Variants in MAMDC2 observed in about 807,000 individuals in gnomAD.
MAMDC2 encodes MAM domain containing 2.
In MAMDC2, 57 loss-of-function variants were observed where a neutral mutation model predicts 89.8. That is an observed-to-expected ratio of 0.63 (90% CI 0.51 to 0.79). MAMDC2 has a LOEUF of 0.79. Among genes scored for constraint, MAMDC2 ranks in the 30% least tolerant of loss-of-function variants. MAMDC2 has a pLI of 0.00. For synonymous variants in MAMDC2, 313 were observed against 293.4 expected (o/e 1.07, Z -0.68); for missense variants, 800 against 820.6 (o/e 0.97, Z 0.31).
intron 11 of MAMDC2, chr9:70,217,110 T>C (rs929078328): frequency 1.8e-6 from 1 of 546,496 alleles, no homozygotes; most frequent in African/African-American, 1.9e-5. Flanking sequence ...AAAATAAAAT[T>C]AGAAAAGGAA....
chr9:70,073,198 A>G (rs1827449525), intron 2 of MAMDC2, among the ~76,000 whole-genome samples: 1 of 152,256 alleles, frequency 6.6e-6, no homozygotes, highest in South Asian at 2.1e-4. Flanking sequence ...CAGTGCAAGT[A>G]AAGCTTACAT....
chr9:70,222,218 T>G (rs1387586227), intron 12 of MAMDC2, among the ~76,000 whole-genome samples: 1 of 152,128 alleles, frequency 6.6e-6, no homozygotes, highest in Non-Finnish European at 1.5e-5. Flanking sequence ...TATCATTTAT[T>G]GAGATGAGGA....
At chr9:70,209,262 G>A (rs2033299242) in intron 11 of MAMDC2, among the ~76,000 whole-genome samples, 1 of 152,136 alleles carries the variant, frequency 6.6e-6, no homozygotes, top group African/African-American at 2.4e-5. Context: ...TCTGGTCCTG[G>A]ACTTTTTTTG....
At chr9:70,053,105 C>T (rs1435835849) in intron 2 of MAMDC2, among the ~76,000 whole-genome samples, 4 of 152,178 alleles carry the variant, frequency 2.6e-5, no homozygotes, top group Non-Finnish European at 4.4e-5. Flanking sequence ...GTGAGATGTC[C>T]ATAGCACCCA....
rs749635558 is a variant in MAMDC2 at position 70,126,311 on chromosome 9, C to T, written c.796C>T (p.Arg266Trp). The T allele has an allele frequency of 6.8e-6, 11 of 1,614,042 alleles. No homozygotes were observed. The highest frequency in any genetic ancestry group is 2.2e-5 in the East Asian group (1 of 44,892). ...TGACAATGTCTTTTCCCTTTACACT[C>T]GGGATGTGGCTGGCCTTTACGAGGA... Reference protein sequence around the residue: ...GNDNVFSLYTRDVAGLYEEIW... With the variant: ...GNDNVFSLYTWDVAGLYEEIW... Residue 266 changes from arginine to tryptophan, a missense_variant, in exon 6 of 14, where the codon CGG becomes TGG. By Grantham distance (101) the Arg-to-Trp change is moderately radical. Transcript: ENST00000377182.
chr9:70,085,263 C>T (rs1827743180), intron 2 of MAMDC2, among the ~76,000 whole-genome samples: 1 of 152,000 alleles, frequency 6.6e-6, no homozygotes, highest in Non-Finnish European at 1.5e-5. Flanking sequence ...GCATAGACAC[C>T]GTCCCTAGAG....
chr9:70,112,205 A>G (rs1003639482), intron 4 of MAMDC2, among the ~76,000 whole-genome samples: 2 of 152,154 alleles, frequency 1.3e-5, no homozygotes, highest in Non-Finnish European at 2.9e-5. Flanking sequence ...GTGTGATTAT[A>G]AGGGTCAATG....
At chr9:70,075,614 C>A (rs1358581967) in intron 2 of MAMDC2, among the ~76,000 whole-genome samples, 2 of 152,144 alleles carry the variant, frequency 1.3e-5, no homozygotes, top group African/African-American at 4.8e-5. Context: ...GGCAAGAAAG[C>A]AACAGTTTAC....
At chr9:70,099,905 G>A (rs2118214547) in intron 2 of MAMDC2, among the ~76,000 whole-genome samples, 1 of 151,808 alleles carries the variant, frequency 6.6e-6, no homozygotes, top group Middle Eastern at 3.4e-3. Flanking sequence ...AACCTGGGAG[G>A]TGGAGGTTGC....
intron 11 of MAMDC2, among the ~76,000 whole-genome samples, chr9:70,198,889 G>C (rs2118623366): frequency 6.6e-6 from 1 of 152,132 alleles, no homozygotes; most frequent in African/African-American, 2.4e-5. Flanking sequence ...TCACAACTCT[G>C]TTAGTTCCAG....
At chr9:70,125,450 G>T (rs1251869114) in intron 5 of MAMDC2, among the ~76,000 whole-genome samples, 1 of 152,184 alleles carries the variant, frequency 6.6e-6, no homozygotes, top group East Asian at 1.9e-4. Flanking sequence ...GCTAAGTCAA[G>T]GCTGTCTCCA....
At chr9:70,101,773 A>G (rs372932692) in intron 2 of MAMDC2, among the ~76,000 whole-genome samples, 64 of 152,222 alleles carry the variant, frequency 4.2e-4, no homozygotes, top group Non-Finnish European at 7.8e-4. Context: ...CTCAGAACCT[A>G]TCTTCATCGT....
intron 11 of MAMDC2, among the ~76,000 whole-genome samples, chr9:70,205,335 T>G (rs1295224333): frequency 6.6e-6 from 1 of 152,230 alleles, no homozygotes; most frequent in African/African-American, 2.4e-5. Context: ...TCCTCATTTA[T>G]GACAGCCTTT....
At chr9:70,069,441 A>G (rs921991338) in intron 2 of MAMDC2, among the ~76,000 whole-genome samples, 4 of 152,188 alleles carry the variant, frequency 2.6e-5, no homozygotes, top group South Asian at 2.1e-4. Context: ...AGGAGCCTCA[A>G]AGTTTTTGTG....
chr9:70,100,023 A>AGAGAGAGG (rs1359855878), intron 2 of MAMDC2, among the ~76,000 whole-genome samples: 3 of 142,776 alleles, frequency 2.1e-5, no homozygotes, highest in African/African-American at 5.3e-5. Flanking sequence ...AGAGAGAGAG[A>AGAGAGAGG]GCACAAGCAC....
rs189087256 is a variant in MAMDC2, at chr9:70,185,458, G to A, written c.1651+14827G>A. Reference sequence around the variant, plus strand: ...AGGATCCACTGTTCTCTTCAGAGCCGGCAGGGAGGGACATTTAAGTCCACT... The same window carrying A: ...AGGATCCACTGTTCTCTTCAGAGCCAGCAGGGAGGGACATTTAAGTCCACT... On this transcript the variant is annotated intron_variant, in intron 11 of 13. Transcript: ENST00000377182. 1.2e-3 allele frequency among the ~76,000 whole-genome samples: 187 copies of A among 152,284 alleles called. 1 individual carries two copies. Among genetic ancestry groups the A allele is most frequent in the African/African-American group, 4.4e-3 (182 of 41,568 alleles).
Position 70,218,552 on chromosome 9 carries a change from T to A in MAMDC2, c.1867T>A (p.Trp623Arg). The change falls in exon 12 of 14, where the codon TGG becomes AGG. Residue 623 changes from tryptophan to arginine, a missense_variant. Trp to Arg is a moderately radical substitution (Grantham distance 101). Transcript: ENST00000377182. ...GAGAAGAGGTGAACAGAGCATTTCCTGGCTACGAGCACTGATTGAATACAG... is the reference window on the plus strand; with the variant it reads ...GAGAAGAGGTGAACAGAGCATTTCCAGGCTACGAGCACTGATTGAATACAG... Reference protein sequence around the residue: ...WRRRGEQSISWLRALIEYSCE... With the variant: ...WRRRGEQSISRLRALIEYSCE... The A allele has an allele frequency of 6.2e-7, 1 of 1,614,070 alleles. No individual in the cohort carries two copies. Among genetic ancestry groups the A allele is most frequent in the Admixed American group, 1.7e-5 (1 of 60,018 alleles).
intron 2 of MAMDC2, chr9:70,086,330 C>T (rs927940087): frequency 3.3e-5 from 5 of 152,144 alleles, no homozygotes; most frequent in South Asian, 2.1e-4. Flanking sequence ...TAAAGAAAAG[C>T]GAATCCATAT....
chr9:70,064,270 G>A (rs1002267269), intron 2 of MAMDC2, among the ~76,000 whole-genome samples: 7 of 151,852 alleles, frequency 4.6e-5, no homozygotes, highest in African/African-American at 7.3e-5. Context: ...CCCATCACCC[G>A]AGCAGTGTAC....
Sources: gnomAD v4.1 joint callset for allele counts (sites outside exome capture counted in the v4.1 genomes callset) on GRCh38, gnomAD v4.1.1 for gene constraint, MANE v1.5 for transcripts, NCBI Gene and HGNC (gene_info 2026-07-23, HGNC 2026-07-21) for gene names.